Variants in USP49 observed in about 807,000 individuals in gnomAD.
The protein encoded by USP49 is ubiquitin specific peptidase 49.
A neutral mutation model predicts 58.6 loss-of-function variants in USP49; 24 were observed. That is an observed-to-expected ratio of 0.41 (90% CI 0.30 to 0.58). The LOEUF is 0.58. Among genes scored for constraint, USP49 ranks in the 20% least tolerant of loss-of-function variants. The probability of loss-of-function intolerance (pLI) is 0.30; values close to 1 mark genes in which losing one functional copy is unlikely to be tolerated. For synonymous variants in USP49, 408 were observed against 365.1 expected (o/e 1.12, Z -1.34); for missense variants, 703 against 866.1 (o/e 0.81, Z 2.36).
intron 3 of USP49, among the ~76,000 whole-genome samples, chr6:41,852,860 A>G (rs1016902207): frequency 4.6e-5 from 7 of 152,256 alleles, no homozygotes; most frequent in Admixed American, 1.3e-4. Context: ...AAAATGTGGT[A>G]TACACATGAG....
At chr6:41,840,282 G>A (rs1773800921) in intron 3 of USP49, among the ~76,000 whole-genome samples, 1 of 151,240 alleles carries the variant, frequency 6.6e-6, no homozygotes, top group Non-Finnish European at 1.5e-5. Flanking sequence ...GCTGAGGCAG[G>A]AGAATGGCGT....
At position 41,880,572 on chromosome 6, in the gene USP49, G is replaced by T. The variant is rs76121220; in HGVS notation, c.-102-8935C>A. Among the ~76,000 whole-genome samples the T allele has an allele frequency of 1.2e-3, 183 of 152,288 alleles. No homozygotes were observed. In the East Asian group the frequency reaches 0.032, roughly 27 times the overall value. ...ATCAGACTTCTCGTCAGCAGCAACA[G>T]AAGCTAGAAGCCAATAGAGTGATGC... On this transcript the variant is annotated intron_variant, in intron 2 of 7. Coordinates refer to ENST00000682992, the MANE Select transcript of USP49 (RefSeq NM_001286554.2).
intron 2 of USP49, among the ~76,000 whole-genome samples, chr6:41,882,558 G>A (rs1207088261): frequency 6.6e-6 from 1 of 152,202 alleles, no homozygotes; most frequent in Non-Finnish European, 1.5e-5. Context: ...GCAGTAATAA[G>A]GCAAATACAG....
rs1772797803 is a variant in USP49 at position 41,791,542 on chromosome 6, A to G, written c.*4991T>C. ...GTAAATGAAGGAGTTGGACTTCACT[A>G]TTGCCAAAGCAACATTTTCCCCAAG... On this transcript the variant is annotated 3_prime_UTR_variant, in exon 8 of 8. Transcript: ENST00000682992. The G allele has an allele frequency of 6.6e-6, 1 of 152,254 alleles. No homozygotes were observed. The highest frequency in any genetic ancestry group is 1.5e-5 in the Non-Finnish European group (1 of 68,044). The allele number at this position is 152,254 out of a possible 1,614,324, so 9.4% of individuals were successfully genotyped here.
At chr6:41,856,910 A>T (rs909486075) in intron 3 of USP49, among the ~76,000 whole-genome samples, 1 of 152,208 alleles carries the variant, frequency 6.6e-6, no homozygotes, top group African/African-American at 2.4e-5. Context: ...ATGTATATAC[A>T]GGAAAAACAT....
intron 1 of USP49, among the ~76,000 whole-genome samples, chr6:41,892,979 T>G (rs1047295741): frequency 6.6e-6 from 1 of 152,226 alleles, no homozygotes; most frequent in African/African-American, 2.4e-5. Context: ...GCCCCAAATT[T>G]CTTATCTTCC....
intron 3 of USP49, among the ~76,000 whole-genome samples, chr6:41,816,396 A>G (rs1183834917): frequency 2.0e-5 from 3 of 152,162 alleles, no homozygotes; most frequent in South Asian, 2.1e-4. Flanking sequence ...TACACTTAAC[A>G]CTGCACAAAC....
chr6:41,840,576 G>C (rs533615671), intron 3 of USP49, among the ~76,000 whole-genome samples: 29 of 152,178 alleles, frequency 1.9e-4, no homozygotes, highest in Non-Finnish European at 3.4e-4. Context: ...GCAACTGGAT[G>C]AATCTCAAGG....
At chr6:41,895,005 G>T (rs1233906671) in intron 1 of USP49, among the ~76,000 whole-genome samples, 4 of 147,828 alleles carry the variant, frequency 2.7e-5, no homozygotes, top group Admixed American at 2.7e-4. Flanking sequence ...CGCGCGCCCC[G>T]ACTCCCGGCT....
At chr6:41,831,736 G>A (rs1308674577) in intron 3 of USP49, among the ~76,000 whole-genome samples, 2 of 152,052 alleles carry the variant, frequency 1.3e-5, no homozygotes, top group East Asian at 1.9e-4. Context: ...CATAACCTCC[G>A]CTTTTAATGG....
At chr6:41,848,094 A>C (rs1350199399) in intron 3 of USP49, among the ~76,000 whole-genome samples, 1 of 152,212 alleles carries the variant, frequency 6.6e-6, no homozygotes, top group East Asian at 1.9e-4. Context: ...AGAAACTCCA[A>C]AGAAGTAGTT....
intron 3 of USP49, among the ~76,000 whole-genome samples, chr6:41,869,084 T>C (rs568156816): frequency 6.6e-6 from 1 of 151,466 alleles, no homozygotes; most frequent in East Asian, 1.9e-4. Context: ...CTTAGTCTTT[T>C]TTTTTTTTTT....
At chr6:41,865,858 G>A (rs901559274) in intron 3 of USP49, among the ~76,000 whole-genome samples, 3 of 140,098 alleles carry the variant, frequency 2.1e-5, no homozygotes, top group African/African-American at 8.2e-5. Flanking sequence ...TGCCCAGGCT[G>A]GTCTAGAACT....
intron 3 of USP49, among the ~76,000 whole-genome samples, chr6:41,836,861 A>G (rs1179078998): frequency 2.0e-5 from 3 of 151,852 alleles, no homozygotes; most frequent in South Asian, 2.1e-4. Context: ...ACACACGCAC[A>G]CACACACACA....
intron 3 of USP49, among the ~76,000 whole-genome samples, chr6:41,867,587 C>CAA (rs766568260): frequency 0.31 from 21,763 of 70,928 alleles, 2,384 homozygotes; most frequent in Non-Finnish European, 0.39. Context: ...ACTAAAAATA[C>CAA]AAAAAAAAAA....
chr6:41,823,730 T>C (rs1389185295), intron 3 of USP49, among the ~76,000 whole-genome samples: 3 of 152,152 alleles, frequency 2.0e-5, no homozygotes, highest in Non-Finnish European at 4.4e-5. Context: ...TCTCAAGAGA[T>C]CTTCCTTCCC....
chr6:41,848,540 AT>A (rs1184447198), intron 3 of USP49, among the ~76,000 whole-genome samples: 2 of 151,834 alleles, frequency 1.3e-5, no homozygotes, highest in Non-Finnish European at 2.9e-5. Flanking sequence ...CTAATTAAAA[AT>A]ATATATATAT....
At chr6:41,853,659 A>G (rs1393430647) in intron 3 of USP49, among the ~76,000 whole-genome samples, 2 of 152,214 alleles carry the variant, frequency 1.3e-5, no homozygotes, top group African/African-American at 4.8e-5. Context: ...CTGGATAGGT[A>G]AGGCCATCTC....
chr6:41,882,697 A>G (rs1774633306), intron 2 of USP49, among the ~76,000 whole-genome samples: 1 of 152,176 alleles, frequency 6.6e-6, no homozygotes, highest in African/African-American at 2.4e-5. Context: ...CGGGCACATC[A>G]TGAGGTCAGG....
Sources: gnomAD v4.1 joint callset for allele counts (sites outside exome capture counted in the v4.1 genomes callset) on GRCh38, gnomAD v4.1.1 for gene constraint, MANE v1.5 for transcripts, NCBI Gene and HGNC (gene_info 2026-07-23, HGNC 2026-07-21) for gene names.